The following NOVA1 variants were observed in gnomAD, a reference collection of about 807,000 sequenced individuals.
NOVA1 encodes the protein RNA-binding protein Nova-1.
In NOVA1, 7 loss-of-function variants were observed where a neutral mutation model predicts 38.0. That is an observed-to-expected ratio of 0.18 (90% CI 0.10 to 0.35). The LOEUF (loss-of-function observed/expected upper bound fraction) is 0.35. Ranked by LOEUF, NOVA1 falls within the 10% of genes least tolerant of loss-of-function variation. The pLI, the probability that NOVA1 is intolerant of heterozygous loss-of-function variation, is 1.00. For synonymous variants in NOVA1, 270 were observed against 232.5 expected (o/e 1.16, Z -1.47); for missense variants, 460 against 616.0 (o/e 0.75, Z 2.68).
At chr14:26,516,340 T>C (rs543316629) in intron 2 of NOVA1, among the ~76,000 whole-genome samples, 1 of 152,334 alleles carries the variant, frequency 6.6e-6, no homozygotes, top group Non-Finnish European at 1.5e-5. Context: ...GGTGTCTTGA[T>C]GAGCAGAAGT....
At chr14:26,484,770 TA>T (rs1187789781) in intron 2 of NOVA1, among the ~76,000 whole-genome samples, 2 of 152,210 alleles carry the variant, frequency 1.3e-5, no homozygotes, top group African/African-American at 4.8e-5. Context: ...AGCAGCATTT[TA>T]TGCTGTCAGT....
At chr14:26,541,243 T>C (rs1353972315) in intron 2 of NOVA1, among the ~76,000 whole-genome samples, 1 of 152,062 alleles carries the variant, frequency 6.6e-6, no homozygotes, top group Admixed American at 6.6e-5. Context: ...AAACCAAGTA[T>C]CAATTGATGG....
At chr14:26,593,531 T>G (rs1471425639) in intron 2 of NOVA1, 1 of 151,928 alleles carries the variant, frequency 6.6e-6, no homozygotes. Flanking sequence ...CGGTAAAGTA[T>G]AGACTTCTTT....
chr14:26,571,966 C>T (rs1671776209), intron 2 of NOVA1, among the ~76,000 whole-genome samples: 1 of 152,174 alleles, frequency 6.6e-6, no homozygotes, highest in Non-Finnish European at 1.5e-5. Flanking sequence ...ACTACAACAG[C>T]TTCCAAGTTT....
chr14:26,454,237 G>C (rs1882970086), intron 4 of NOVA1, among the ~76,000 whole-genome samples: 1 of 151,994 alleles, frequency 6.6e-6, no homozygotes, highest in Non-Finnish European at 1.5e-5. Flanking sequence ...GCCATCCTGG[G>C]GCACAGGTTG....
chr14:26,559,989 A>G (rs1205297701), intron 2 of NOVA1, among the ~76,000 whole-genome samples: 3 of 152,074 alleles, frequency 2.0e-5, no homozygotes, highest in Non-Finnish European at 4.4e-5. Context: ...CATTGTATGT[A>G]TTAAATTATT....
intron 3 of NOVA1, among the ~76,000 whole-genome samples, chr14:26,477,524 C>T (rs1885083260): frequency 6.6e-6 from 1 of 151,902 alleles, no homozygotes; most frequent in Admixed American, 6.6e-5. Context: ...GTCTGAGAAC[C>T]CACTCAGTCA....
intron 2 of NOVA1, among the ~76,000 whole-genome samples, chr14:26,575,512 A>G (rs1214998140): frequency 6.6e-6 from 1 of 152,154 alleles, no homozygotes; most frequent in Admixed American, 6.5e-5. Context: ...ATTGAGCCAT[A>G]TACTTAAATT....
intron 2 of NOVA1, among the ~76,000 whole-genome samples, chr14:26,492,816 T>G (rs1016186444): frequency 6.9e-6 from 1 of 145,012 alleles, no homozygotes; most frequent in African/African-American, 2.5e-5. Flanking sequence ...AACATAAAAA[T>G]TAGCCAGGCA....
At chr14:26,537,781 T>G (rs1035557670) in intron 2 of NOVA1, among the ~76,000 whole-genome samples, 11 of 152,200 alleles carry the variant, frequency 7.2e-5, no homozygotes, top group African/African-American at 2.6e-4. Context: ...GTGAAGACCT[T>G]AAAAGACTAT....
At chr14:26,472,272 G>T (rs994181802) in intron 4 of NOVA1, 48 bp downstream of exon 4, 9 of 1,129,740 alleles carry the variant, frequency 8.0e-6, no homozygotes, top group Admixed American at 1.7e-5. Flanking sequence ...CAGTTTGCAG[G>T]CAATCACCCG....
chr14:26,521,297 C>T (rs1341875861), intron 2 of NOVA1, among the ~76,000 whole-genome samples: 1 of 151,928 alleles, frequency 6.6e-6, no homozygotes, highest in African/African-American at 2.4e-5. Context: ...ATTACTCTAA[C>T]AATACATGAA....
intron 2 of NOVA1, among the ~76,000 whole-genome samples, chr14:26,493,270 C>A (rs943519574): frequency 6.6e-6 from 1 of 152,092 alleles, no homozygotes; most frequent in Non-Finnish European, 1.5e-5. Context: ...AAATAGGTAA[C>A]TACAATTCAG....
chr14:26,534,764 T>C (rs993452017), intron 2 of NOVA1, among the ~76,000 whole-genome samples: 1 of 152,124 alleles, frequency 6.6e-6, no homozygotes, highest in Non-Finnish European at 1.5e-5. Flanking sequence ...GAGATTATCA[T>C]GGATTATCTG....
chr14:26,469,352 A>C (rs537535934), intron 4 of NOVA1, among the ~76,000 whole-genome samples: 2 of 152,358 alleles, frequency 1.3e-5, no homozygotes, highest in South Asian at 4.1e-4. Context: ...TAGAGTTGAA[A>C]AAACAGCCAA....
chr14:26,461,766 T>A (rs1304792225), intron 4 of NOVA1, among the ~76,000 whole-genome samples: 10 of 125,908 alleles, frequency 7.9e-5, no homozygotes, highest in African/African-American at 9.1e-5. Context: ...CCATCTTTAC[T>A]AAAAAAAAAA....
intron 2 of NOVA1, among the ~76,000 whole-genome samples, chr14:26,589,874 A>G (rs2138806466): frequency 6.6e-6 from 1 of 152,016 alleles, no homozygotes; most frequent in Admixed American, 6.6e-5. Context: ...TCTTTAAAGA[A>G]TAAAATGAAG....
At chr14:26,537,243 A>G (rs937010074) in intron 2 of NOVA1, among the ~76,000 whole-genome samples, 1 of 151,988 alleles carries the variant, frequency 6.6e-6, no homozygotes, top group Non-Finnish European at 1.5e-5. Flanking sequence ...TTATTTAAAC[A>G]TGCACATGGT....
intron 4 of NOVA1, among the ~76,000 whole-genome samples, chr14:26,466,279 C>T (rs1055708108): frequency 2.0e-5 from 3 of 152,162 alleles, no homozygotes; most frequent in African/African-American, 7.2e-5. Context: ...CCATTTTTGA[C>T]ATGTTGGCTT....
Sources: gnomAD v4.1 joint callset for allele counts (sites outside exome capture counted in the v4.1 genomes callset) on GRCh38, gnomAD v4.1.1 for gene constraint, MANE v1.5 for transcripts, NCBI Gene and HGNC (gene_info 2026-07-23, HGNC 2026-07-21) for gene names.